CDK14: variants seen among roughly 807,000 people sequenced by gnomAD.
CDK14 encodes the protein cyclin-dependent kinase 14.
CDK14 carries 34 observed loss-of-function variants against 60.7 expected under a neutral mutation model. The observed-to-expected ratio is 0.56, with a 90% confidence interval of 0.43 to 0.75. CDK14 has a LOEUF of 0.75. Ranked by LOEUF, CDK14 falls within the 30% of genes least tolerant of loss-of-function variation. CDK14 has a pLI of 0.00. For missense variants in CDK14, 482 were observed against 564.1 expected, an observed-to-expected ratio of 0.85 and a Z score of 1.47; for synonymous variants, 197 against 203.7, an observed-to-expected ratio of 0.97 and a Z score of 0.28.
intron 2 of CDK14, among the ~76,000 whole-genome samples, chr7:90,688,021 T>G (rs970915546): frequency 4.1e-4 from 62 of 152,140 alleles, no homozygotes; most frequent in African/African-American, 1.5e-3. Flanking sequence ...TGACTTAGAA[T>G]TATGATTTCT....
chr7:90,643,494 T>C (rs1203540026), intron 2 of CDK14, among the ~76,000 whole-genome samples: 1 of 152,236 alleles, frequency 6.6e-6, no homozygotes, highest in Non-Finnish European at 1.5e-5. Flanking sequence ...TGGAAATTTC[T>C]TAATTTATAA....
intron 4 of CDK14, among the ~76,000 whole-genome samples, chr7:90,782,949 C>T (rs6945702): frequency 0.44 from 66,097 of 151,826 alleles, 15,183 homozygotes; most frequent in East Asian, 0.82. Flanking sequence ...TTTTTGTCTC[C>T]TTGGGAGCCT....
rs114656587 is a variant in CDK14 at position 91,166,111 on chromosome 7, G to A, written c.*29-41054G>A. 6.5e-3 allele frequency among the ~76,000 whole-genome samples: 988 copies of A among 152,298 alleles called. 15 individuals carry two copies. The highest frequency in any genetic ancestry group is 0.023 in the African/African-American group (938 of 41,560). ...TGCCAAATGCCTGCTTCCCTAGTAA[G>A]GAGGCAACGTGTTACTGACACCCTT... is the stretch of plus-strand genomic sequence containing the variant. On this transcript the variant is annotated intron_variant, in intron 14 of 14. Coordinates refer to ENST00000380050, the MANE Select transcript of CDK14 (RefSeq NM_001287135.2).
At chr7:91,040,565 A>C (rs1001516273) in intron 10 of CDK14, among the ~76,000 whole-genome samples, 36 of 152,358 alleles carry the variant, frequency 2.4e-4, no homozygotes, top group African/African-American at 8.2e-4. Flanking sequence ...AGCTGAGTCC[A>C]TTTAAAATCC....
At chr7:90,640,555 A>G (rs533177448) in intron 2 of CDK14, among the ~76,000 whole-genome samples, 47 of 152,178 alleles carry the variant, frequency 3.1e-4, no homozygotes, top group Admixed American at 8.5e-4. Context: ...AGGAAAGCAT[A>G]CAATGTAAAT....
At chr7:90,811,499 C>A (rs535052353) in intron 5 of CDK14, among the ~76,000 whole-genome samples, 7 of 152,030 alleles carry the variant, frequency 4.6e-5, no homozygotes, top group Admixed American at 2.6e-4. Context: ...CGTTAGACCT[C>A]AAACCATAAA....
intron 4 of CDK14, among the ~76,000 whole-genome samples, chr7:90,786,434 G>T (rs897984989): frequency 2.6e-5 from 4 of 152,154 alleles, no homozygotes; most frequent in Admixed American, 1.3e-4. Flanking sequence ...ATTATTTCAA[G>T]TTATTTAAAT....
chr7:90,624,282 T>C (rs1799831873), intron 2 of CDK14, among the ~76,000 whole-genome samples: 1 of 152,200 alleles, frequency 6.6e-6, no homozygotes, highest in African/African-American at 2.4e-5. Flanking sequence ...CAGCATCAGA[T>C]TAGGGGAGGT....
chr7:90,882,888 A>C (rs1791810088), intron 6 of CDK14, among the ~76,000 whole-genome samples: 2 of 152,222 alleles, frequency 1.3e-5, no homozygotes, highest in South Asian at 4.1e-4. Context: ...AGTTCCTTGA[A>C]ACCAGTGAGA....
At chr7:90,752,107 A>G (rs1803869566) in intron 4 of CDK14, among the ~76,000 whole-genome samples, 1 of 152,182 alleles carries the variant, frequency 6.6e-6, no homozygotes, top group South Asian at 2.1e-4. Context: ...ACAGCATTAG[A>G]CAGATCATCA....
chr7:91,068,041 A>C (rs1562890692), intron 11 of CDK14, among the ~76,000 whole-genome samples: 2 of 152,204 alleles, frequency 1.3e-5, no homozygotes, highest in African/African-American at 4.8e-5. Flanking sequence ...CTTAATACCA[A>C]ACTTTAGATA....
intron 4 of CDK14, among the ~76,000 whole-genome samples, chr7:90,758,541 C>T (rs1804175751): frequency 6.6e-6 from 1 of 152,118 alleles, no homozygotes; most frequent in African/African-American, 2.4e-5. Context: ...TCTGTATATT[C>T]AGAGATGTGT....
chr7:90,968,133 G>A (rs1794811402), intron 9 of CDK14, among the ~76,000 whole-genome samples: 1 of 152,150 alleles, frequency 6.6e-6, no homozygotes. Context: ...ATTACTATAA[G>A]TTAAATATTT....
chr7:90,730,568 T>C, intron 3 of CDK14, among the ~76,000 whole-genome samples: 1 of 152,262 alleles, frequency 6.6e-6, no homozygotes, highest in Non-Finnish European at 1.5e-5. Flanking sequence ...TGAGATGGTA[T>C]CTCATTGTGG....
chr7:90,986,862 A>G (rs1795385390), intron 10 of CDK14, among the ~76,000 whole-genome samples: 1 of 152,018 alleles, frequency 6.6e-6, no homozygotes, highest in Non-Finnish European at 1.5e-5. Flanking sequence ...TTGAACAACA[A>G]TAATGTAACT....
chr7:90,990,966 C>T lies in CDK14; in HGVS notation c.1041+6725C>T, dbSNP rs143863629. On this transcript the variant is annotated intron_variant, in intron 10 of 14. Transcript: ENST00000380050. ...CAACAAACATAGCCCCTACTTGCTT[C>T]GAGAATATGGTCAGCTGAGCTACAT... Among the ~76,000 whole-genome samples the T allele has an allele frequency of 2.4e-3, 367 of 152,200 alleles. 3 individuals carry two copies. Among genetic ancestry groups the T allele is most frequent in the South Asian group, 5.4e-3 (26 of 4,822 alleles).
At chr7:90,894,939 GTTA>G (rs1365696511) in intron 6 of CDK14, among the ~76,000 whole-genome samples, 1 of 152,070 alleles carries the variant, frequency 6.6e-6, no homozygotes, top group African/African-American at 2.4e-5. Flanking sequence ...AGCACCTACT[GTTA>G]TTATTTTTAG....
chr7:91,020,815 A>G (rs1796413827), intron 10 of CDK14, among the ~76,000 whole-genome samples: 2 of 152,228 alleles, frequency 1.3e-5, no homozygotes, highest in South Asian at 4.1e-4. Flanking sequence ...GGCATAGCTT[A>G]GCCAAGTCCT....
intron 12 of CDK14, among the ~76,000 whole-genome samples, chr7:91,101,428 T>A (rs1408183430): frequency 6.6e-6 from 1 of 152,236 alleles, no homozygotes; most frequent in East Asian, 1.9e-4. Flanking sequence ...CTGACCATTA[T>A]GGGAATGAGT....
Sources: allele counts gnomAD v4.1 joint callset (sites outside exome capture counted in the v4.1 genomes callset), GRCh38; gene constraint gnomAD v4.1.1; transcripts MANE v1.5; gene names NCBI Gene and HGNC (gene_info 2026-07-23, HGNC 2026-07-21).